The following TRIM2 variants were observed in gnomAD, a reference collection of about 807,000 sequenced individuals.
TRIM2 encodes the protein tripartite motif-containing protein 2.
TRIM2 carries 20 observed loss-of-function variants against 75.2 expected under a neutral mutation model. That is an observed-to-expected ratio of 0.27 (90% CI 0.19 to 0.39). The LOEUF (loss-of-function observed/expected upper bound fraction) is 0.39, where lower values mean the gene tolerates loss of function less well. Among genes scored for constraint, TRIM2 ranks in the 10% least tolerant of loss-of-function variants. TRIM2 has a pLI of 1.00. For missense variants in TRIM2, 660 were observed against 990.8 expected, an observed-to-expected ratio of 0.67 and a Z score of 4.48; for synonymous variants, 373 against 388.3, an observed-to-expected ratio of 0.96 and a Z score of 0.46.
intron 1 of TRIM2, among the ~76,000 whole-genome samples, chr4:153,178,740 C>T (rs1026137843): frequency 1.6e-4 from 25 of 152,118 alleles, no homozygotes; most frequent in African/African-American, 6.0e-4. Context: ...GCCCTCTGTT[C>T]CTGCAACTTT....
chr4:153,203,862 G>A (rs1326971960), upstream of TRIM2, among the ~76,000 whole-genome samples: 5 of 151,830 alleles, frequency 3.3e-5, no homozygotes, highest in East Asian at 7.7e-4. Context: ...ACTGCACTCC[G>A]GCCTGGGCAA....
At chr4:153,190,593 C>T (rs1733082551) in intron 1 of TRIM2, among the ~76,000 whole-genome samples, 1 of 151,890 alleles carries the variant, frequency 6.6e-6, no homozygotes, top group Non-Finnish European at 1.5e-5. Flanking sequence ...CTTTTCATGA[C>T]AAGAAATAGA....
intron 6 of TRIM2, among the ~76,000 whole-genome samples, chr4:153,299,753 G>A (rs185481957): frequency 6.6e-6 from 1 of 152,106 alleles, no homozygotes; most frequent in Non-Finnish European, 1.5e-5. Context: ...CTGGTCACCT[G>A]CTCTGACCTA....
intron 2 of TRIM2, 61 bp from the exon 3 acceptor site, chr4:153,275,832 T>C (rs914827113): frequency 7.7e-5 from 112 of 1,453,644 alleles, no homozygotes; most frequent in Non-Finnish European, 1.1e-4. Flanking sequence ...ACATGTATGG[T>C]ACCTGTGAGA....
chr4:153,200,803 T>A (rs527580111), upstream of TRIM2, among the ~76,000 whole-genome samples: 3 of 149,196 alleles, frequency 2.0e-5, no homozygotes, highest in African/African-American at 4.9e-5. Context: ...TTTTCTTTTT[T>A]TTTTTCCTTA....
intron 1 of TRIM2, among the ~76,000 whole-genome samples, chr4:153,182,358 GAA>G (rs905709056): frequency 6.6e-6 from 1 of 152,134 alleles, no homozygotes; most frequent in African/African-American, 2.4e-5. Flanking sequence ...GGGACCTTGG[GAA>G]AAAGAGTCCT....
chr4:153,208,694 C>T (rs1027087898), intron 1 of TRIM2, among the ~76,000 whole-genome samples: 9 of 152,080 alleles, frequency 5.9e-5, no homozygotes, highest in African/African-American at 1.7e-4. Flanking sequence ...TCTGCCTTAT[C>T]GGGCTATGAT....
chr4:153,295,245 G>C lies in TRIM2; in HGVS notation c.787-68G>C. 1 of 1,446,612 alleles carries C rather than the reference G, an allele frequency of 6.9e-7. No homozygotes were observed. Among genetic ancestry groups the C allele is most frequent in the Non-Finnish European group, 9.1e-7 (1 of 1,098,136 alleles). The allele number at this position is 1,446,612 out of a possible 1,614,324, so 89.6% of individuals were successfully genotyped here. A position where few individuals can be genotyped will look rare whatever the true frequency, so the allele number is the denominator to read the frequency against. On this transcript the variant is annotated intron_variant, in intron 5 of 11. Transcript: ENST00000338700. This position sits in a 1 kb window ranked among gnomAD's most constrained non-coding sequence, Gnocchi z 7.2. ...GTGTAGAGTCTCCTTCTCGCCGGTG[G>C]AGGGCACTGCCCCGGGCTAGGCCCC...
At chr4:153,304,662 A>G (rs1270304971) in intron 6 of TRIM2, among the ~76,000 whole-genome samples, 4 of 152,088 alleles carry the variant, frequency 2.6e-5, no homozygotes, top group African/African-American at 9.7e-5. Flanking sequence ...GTGTTCCTCA[A>G]AGTGTGGTCC....
At chr4:153,173,881 C>T (rs568245013) in intron 1 of TRIM2, among the ~76,000 whole-genome samples, 1 of 152,126 alleles carries the variant, frequency 6.6e-6, no homozygotes, top group African/African-American at 2.4e-5. Flanking sequence ...GCAGAAGAAT[C>T]GCTTGAACCT....
chr4:153,188,718 C>T (rs1375151455), intron 1 of TRIM2, among the ~76,000 whole-genome samples: 1 of 150,336 alleles, frequency 6.7e-6, no homozygotes, highest in African/African-American at 2.5e-5. Flanking sequence ...CACTTGAGGC[C>T]AGGAGTTTGA....
intron 1 of TRIM2, among the ~76,000 whole-genome samples, chr4:153,227,558 C>T (rs889989979): frequency 1.3e-5 from 2 of 152,104 alleles, no homozygotes; most frequent in African/African-American, 4.8e-5. Context: ...ATTAGAAAAC[C>T]ACCAAATTGA....
intron 1 of TRIM2, among the ~76,000 whole-genome samples, chr4:153,196,230 G>T (rs937237255): frequency 6.6e-6 from 1 of 151,134 alleles, no homozygotes; most frequent in Non-Finnish European, 1.5e-5. Context: ...TTTGAGACCA[G>T]CTTGGGCAAC....
At chr4:153,254,038 C>T (rs148351584) in intron 1 of TRIM2, among the ~76,000 whole-genome samples, 9 of 152,196 alleles carry the variant, frequency 5.9e-5, no homozygotes, top group Admixed American at 1.3e-4. Flanking sequence ...GGGTCTGGAT[C>T]GGGACCGCTT....
At chr4:153,163,328 G>T (rs1729931834) in intron 1 of TRIM2, among the ~76,000 whole-genome samples, 1 of 151,932 alleles carries the variant, frequency 6.6e-6, no homozygotes, top group Non-Finnish European at 1.5e-5. Flanking sequence ...TGGGACTACA[G>T]GCATGAGCCA....
intron 1 of TRIM2, among the ~76,000 whole-genome samples, chr4:153,249,559 A>G (rs1391967926): frequency 6.6e-6 from 1 of 151,108 alleles, no homozygotes; most frequent in Non-Finnish European, 1.5e-5. Context: ...TGGAAGAGGC[A>G]GGCATTATTA....
intron 1 of TRIM2, among the ~76,000 whole-genome samples, chr4:153,259,225 T>C (rs148404431): frequency 1.9e-4 from 29 of 152,312 alleles, no homozygotes; most frequent in African/African-American, 7.0e-4. Context: ...AATACTATAG[T>C]CCTGCAATGA....
chr4:153,185,143 G>A (rs1388433976), intron 1 of TRIM2, among the ~76,000 whole-genome samples: 1 of 152,112 alleles, frequency 6.6e-6, no homozygotes, highest in Admixed American at 6.5e-5. Flanking sequence ...TGTATGTATT[G>A]AATGAATTCC....
chr4:153,236,605 T>C (rs935137449), intron 1 of TRIM2, among the ~76,000 whole-genome samples: 59 of 152,176 alleles, frequency 3.9e-4, no homozygotes, highest in Non-Finnish European at 7.6e-4. Flanking sequence ...TACAGCAGTT[T>C]CTTTACATAC....
Sources: gnomAD v4.1 joint callset for allele counts (sites outside exome capture counted in the v4.1 genomes callset) on GRCh38, gnomAD v4.1.1 for gene constraint, Gnocchi (gnomAD v3.1) non-coding constraint, MANE v1.5 for transcripts, NCBI Gene and HGNC (gene_info 2026-07-23, HGNC 2026-07-21) for gene names.